ERC2: variants seen among roughly 807,000 people sequenced by gnomAD.
ERC2 encodes ELKS/RAB6-interacting/CAST family member 2.
Under a neutral mutation model 114.8 loss-of-function variants are expected in ERC2, and 42 were observed. The ratio of observed to expected loss-of-function variants is 0.37; its 90% CI spans 0.29 to 0.47. ERC2 has a LOEUF of 0.47. Among genes scored for constraint, ERC2 ranks in the 20% least tolerant of loss-of-function variants. ERC2 has a pLI of 0.99. For synonymous variants in ERC2, 454 were observed against 425.5 expected (o/e 1.07, Z -0.82); for missense variants, 939 against 1,150.7 (o/e 0.82, Z 2.66).
At chr3:56,007,618 C>G (rs990240915) in intron 9 of ERC2, among the ~76,000 whole-genome samples, 6 of 152,072 alleles carry the variant, frequency 3.9e-5, no homozygotes, top group Non-Finnish European at 8.8e-5. Flanking sequence ...GTGGTCTTTA[C>G]ATGTCATAGC....
At chr3:56,431,250 T>C (rs1331078722) in intron 2 of ERC2, among the ~76,000 whole-genome samples, 3 of 152,208 alleles carry the variant, frequency 2.0e-5, no homozygotes, top group Admixed American at 1.3e-4. Flanking sequence ...CCTAGCTCCA[T>C]TTTTGGAAAA....
chr3:56,106,164 G>A (rs1192171705), intron 6 of ERC2, among the ~76,000 whole-genome samples: 1 of 152,196 alleles, frequency 6.6e-6, no homozygotes, highest in Admixed American at 6.5e-5. Flanking sequence ...GATCCCTTTT[G>A]CACTGGGGGT....
rs780028540 is a variant in ERC2 at position 55,888,569 on chromosome 3, C to T, written c.2404-20G>A. 9 of 1,612,212 alleles carry T rather than the reference C, an allele frequency of 5.6e-6. No individual in the cohort carries two copies. The highest frequency in any genetic ancestry group is 7.6e-6 in the Non-Finnish European group (9 of 1,178,610). On this transcript the variant is annotated intron_variant, in intron 13 of 17. Transcript: ENST00000288221. The stretch of plus-strand genomic sequence containing the variant: ...CTCTATCTGAAAGGCACATGGAGCT[C>T]TGTGTGTTATTTCTCCTTCATTCAA...
chr3:56,193,583 G>A (rs2150075267), intron 3 of ERC2, among the ~76,000 whole-genome samples: 1 of 151,664 alleles, frequency 6.6e-6, no homozygotes, highest in South Asian at 2.1e-4. Flanking sequence ...TTTCTTTTTT[G>A]TAAATCTGTA....
intron 3 of ERC2, among the ~76,000 whole-genome samples, chr3:56,269,245 G>T (rs2053509382): frequency 6.6e-6 from 1 of 152,148 alleles, no homozygotes; most frequent in South Asian, 2.1e-4. Context: ...CTATTCTGAG[G>T]AATTAGATCC....
intron 17 of ERC2, among the ~76,000 whole-genome samples, chr3:55,585,619 G>C (rs1455147719): frequency 1.3e-5 from 2 of 152,128 alleles, no homozygotes; most frequent in African/African-American, 4.8e-5. Context: ...ATTTCTATTT[G>C]AATTACCCCT....
chr3:55,972,731 A>G (rs979651763), intron 12 of ERC2, among the ~76,000 whole-genome samples: 2 of 152,214 alleles, frequency 1.3e-5, no homozygotes, highest in African/African-American at 4.8e-5. Context: ...GTGCTGCAGT[A>G]AACATATGTG....
intron 3 of ERC2, among the ~76,000 whole-genome samples, chr3:56,211,083 T>A (rs1374084598): frequency 6.6e-6 from 1 of 152,100 alleles, no homozygotes; most frequent in African/African-American, 2.4e-5. Context: ...TTAAATTTAA[T>A]ATAATTTTTC....
At chr3:56,254,979 T>C (rs1001422794) in intron 3 of ERC2, among the ~76,000 whole-genome samples, 2 of 152,248 alleles carry the variant, frequency 1.3e-5, no homozygotes, top group African/African-American at 2.4e-5. Flanking sequence ...ATGTGCCAAA[T>C]ATAATGTTTT....
intron 14 of ERC2, among the ~76,000 whole-genome samples, chr3:55,868,409 T>G (rs1032784397): frequency 1.3e-5 from 2 of 152,234 alleles, no homozygotes; most frequent in African/African-American, 2.4e-5. Flanking sequence ...ATCATTTCTG[T>G]TCTGGTGCCA....
chr3:55,582,882 G>A (rs895162909), intron 17 of ERC2, among the ~76,000 whole-genome samples: 1 of 152,196 alleles, frequency 6.6e-6, no homozygotes, highest in African/African-American at 2.4e-5. Context: ...TGAAGAATAC[G>A]GGGCTTTGGA....
intron 3 of ERC2, among the ~76,000 whole-genome samples, chr3:56,201,758 C>T (rs1575802833): frequency 6.6e-6 from 1 of 152,258 alleles, no homozygotes; most frequent in Non-Finnish European, 1.5e-5. Flanking sequence ...ATAAATGTTG[C>T]TATCAGCAAA....
intron 17 of ERC2, among the ~76,000 whole-genome samples, chr3:55,532,048 C>G (rs2053699590): frequency 6.6e-6 from 1 of 152,234 alleles, no homozygotes; most frequent in African/African-American, 2.4e-5. Context: ...GCAAATAGAG[C>G]TACACAAGAT....
At chr3:55,579,313 C>T (rs1415219843) in intron 17 of ERC2, among the ~76,000 whole-genome samples, 1 of 151,962 alleles carries the variant, frequency 6.6e-6, no homozygotes, top group African/African-American at 2.4e-5. Flanking sequence ...ACATTTGGTA[C>T]GTTTTTCAAT....
At chr3:55,690,743 T>C (rs928019300) in intron 16 of ERC2, among the ~76,000 whole-genome samples, 1 of 152,262 alleles carries the variant, frequency 6.6e-6, no homozygotes, top group Non-Finnish European at 1.5e-5. Context: ...AGGATCCTGA[T>C]GCATTAAGCA....
intron 6 of ERC2, among the ~76,000 whole-genome samples, chr3:56,100,796 A>C (rs1288956210): frequency 6.6e-6 from 1 of 152,222 alleles, no homozygotes; most frequent in Non-Finnish European, 1.5e-5. Flanking sequence ...TAACATTATT[A>C]AGTTGCAATA....
At position 55,827,962 on chromosome 3, in the gene ERC2, C is replaced by T. The variant is rs371953646; in HGVS notation, c.2564+60427G>A. Among the ~76,000 whole-genome samples, 11 of 152,350 alleles carry T rather than the reference C, an allele frequency of 7.2e-5. No homozygotes were observed. The East Asian group carries it at 1.7e-3, about 24-fold the overall frequency. Reference sequence around the variant, plus strand: ...CAGACAACATCGCCTGTGTTCAGCACGTCCATCGCCACTGCGGCCAAGCCG... The same window carrying T: ...CAGACAACATCGCCTGTGTTCAGCATGTCCATCGCCACTGCGGCCAAGCCG... On this transcript the variant is annotated intron_variant, in intron 14 of 17. Transcript: ENST00000288221.
intron 3 of ERC2, among the ~76,000 whole-genome samples, chr3:56,189,424 C>A (rs1474947406): frequency 3.3e-5 from 5 of 152,220 alleles, no homozygotes; most frequent in African/African-American, 4.8e-5. Flanking sequence ...GGCCATTCCA[C>A]GCACAGCCTG....
intron 2 of ERC2, among the ~76,000 whole-genome samples, chr3:56,336,784 G>A (rs920104083): frequency 5.3e-5 from 8 of 152,172 alleles, no homozygotes; most frequent in African/African-American, 1.9e-4. Flanking sequence ...GGGATAGAGC[G>A]AGACTCTGTG....
Sources: gnomAD v4.1 joint callset for allele counts (sites outside exome capture counted in the v4.1 genomes callset) on GRCh38, gnomAD v4.1.1 for gene constraint, MANE v1.5 for transcripts, NCBI Gene and HGNC (gene_info 2026-07-23, HGNC 2026-07-21) for gene names.